Variants in AGL observed in about 807,000 individuals in gnomAD.
AGL encodes glycogen debranching enzyme.
A neutral mutation model predicts 199.3 loss-of-function variants in AGL; 128 were observed. The ratio of observed to expected loss-of-function variants is 0.64; its 90% CI spans 0.56 to 0.74. AGL has a LOEUF of 0.74. AGL is among the 30% of genes least tolerant of loss of function. The pLI is 0.00. For missense variants in AGL, 1,809 were observed against 1,820.8 expected (o/e 0.99, Z 0.12); for synonymous variants, 584 against 594.7 (o/e 0.98, Z 0.26).
chr1:99,875,548 T>G, intron 10 of AGL, 93 bp downstream of exon 10: 1 of 1,039,002 alleles, frequency 9.6e-7, no homozygotes, highest in Non-Finnish European at 1.5e-6. Context: ...CTTTAACATG[T>G]GAGTTCAGTA....
rs1287510327 is a variant in AGL, at chr1:99,916,704, T to C, written c.4454T>C (p.Leu1485Pro). The change falls in exon 33 of 34, where the codon CTT (leucine) becomes CCT (proline). Residue 1485 changes from leucine (L) to proline (P), a missense_variant. Leu to Pro is a moderately conservative substitution (Grantham distance 98). Transcript: ENST00000361915. ...ACTATAGTTTTGGTTAAAAATGTTC[T>C]TTCCCGACATTATGTTCATCTTGAG... is the stretch of plus-strand genomic sequence containing the variant. Reference protein sequence around the residue: ...AKTIVLVKNVLSRHYVHLERS... With the variant: ...AKTIVLVKNVPSRHYVHLERS... 2.5e-6 allele frequency: 4 copies of C among 1,613,258 alleles called. No homozygotes were observed. In the Admixed American group the frequency reaches 6.7e-5, roughly 27 times the overall value.
chr1:99,913,595 C>A lies in AGL; in HGVS notation c.4018C>A (p.His1340Asn), dbSNP rs886042905. ...KIQDNFEKLF[H>N]VSEDPSDLNE... ...ACAAGACAACTTTGAAAAGCTATTT[C>A]ATGTTTCCGAAGACCCTTCAGATTT... The change falls in exon 30 of 34, where the codon CAT becomes AAT. Residue 1340 changes from histidine (H) to asparagine (N), a missense_variant. His to Asn is a moderately conservative substitution (Grantham distance 68). Coordinates refer to ENST00000361915, the MANE Select transcript of AGL (RefSeq NM_000642.3). 6.2e-7 allele frequency: 1 copy of A among 1,613,996 alleles called. No homozygotes were observed. Among genetic ancestry groups the A allele is most frequent in the Non-Finnish European group, 8.5e-7 (1 of 1,179,948 alleles).
Position 99,892,433 on chromosome 1 carries a change from T to C in AGL, c.3085T>C (p.Phe1029Leu), listed in dbSNP as rs1018565681. Residue 1029 changes from phenylalanine (F) to leucine (L), a missense_variant and splice_region_variant, in exon 24 of 34, where the codon TTT becomes CTT. Physicochemically the swap from Phe to Leu is conservative, Grantham distance 22. Coordinates refer to ENST00000361915, the MANE Select transcript of AGL (RefSeq NM_000642.3). ...LDTAWKQMSS[F>L]VQNGSTFVKH... ...TAAATTCAATCACTTTTGTTACAGC[T>C]TTGTTCAGAATGGTTCAACCTTTGT... 6.2e-6 allele frequency: 10 copies of C among 1,613,376 alleles called. No individual in the cohort carries two copies. The highest frequency in any genetic ancestry group is 8.5e-6 in the Non-Finnish European group (10 of 1,179,520).
chr1:99,884,123 A>C lies in AGL; in HGVS notation c.2312A>C (p.Lys771Thr). The C allele has an allele frequency of 6.2e-7, 1 of 1,611,288 alleles. No individual in the cohort carries two copies. Among genetic ancestry groups the C allele is most frequent in the Non-Finnish European group, 8.5e-7 (1 of 1,177,932 alleles). ...KEVPQMCIPGKIEEVVLEART... is the reference protein window; with the variant it reads ...KEVPQMCIPGTIEEVVLEART... ...AAATGTTTTTATGTATTCCTAGGCA[A>C]AATTGAAGAAGTAGTTCTTGAAGCT... is the stretch of plus-strand genomic sequence containing the variant. Residue 771 changes from lysine (K) to threonine (T), a missense_variant, in exon 18 of 34, where the codon AAA becomes ACA. Transcript: ENST00000361915.
Position 99,870,869 on chromosome 1 carries a change from G to A in AGL, c.958G>A (p.Glu320Lys). 6.5e-7 allele frequency: 1 copy of A among 1,544,508 alleles called. No individual in the cohort carries two copies. Among genetic ancestry groups the A allele is most frequent in the Non-Finnish European group, 8.9e-7 (1 of 1,117,486 alleles). Residue 320 changes from glutamate (E) to lysine (K), a missense_variant and splice_region_variant, in exon 7 of 34, where the codon GAA becomes AAA. Physicochemically the swap from Glu to Lys is moderately conservative, Grantham distance 56. Coordinates refer to ENST00000361915, the MANE Select transcript of AGL (RefSeq NM_000642.3). ...GCAATTTAGAAGACTTCTTACACAA[G>A]GTAAAGGATACATACTAGAATGTTC... ...VEQFRRLLTQ[E>K]NRRVTKSDPN...
Position 99,892,472 on chromosome 1 carries a change from T to C in AGL, c.3124T>C (p.Leu1042=), listed in dbSNP as rs764821272. ...TTCAACCTTTGTGAAACACCTTTCA[T>C]TGGGTTCAGTTCAACTGTGTGGAGT... ...NGSTFVKHLS[L]GSVQLCGVGK... The change falls in exon 24 of 34, where the codon TTG becomes CTG. Residue 1042 remains leucine (L), a synonymous_variant. Coordinates refer to ENST00000361915, the MANE Select transcript of AGL (RefSeq NM_000642.3). The C allele has an allele frequency of 1.7e-5, 27 of 1,613,506 alleles. No homozygotes were observed. Among genetic ancestry groups the C allele is most frequent in the East Asian group, 6.7e-5 (3 of 44,816 alleles).
rs1655583262 is a variant in AGL at position 99,922,521 on chromosome 1, A to G, written c.*870A>G. ...TTCTATTAACTCAAAACCTACATTG[A>G]CAAGTTTAACATTGAGAAGAATCTT... On this transcript the variant is annotated 3_prime_UTR_variant, in exon 34 of 34. Transcript: ENST00000361915. 1 of 151,836 alleles carries G rather than the reference A, an allele frequency of 6.6e-6. No homozygotes were observed. Among genetic ancestry groups the G allele is most frequent in the Non-Finnish European group, 1.5e-5 (1 of 67,818 alleles). The allele number at this position is 151,836 out of a possible 1,614,324, so 9.4% of individuals were successfully genotyped here. A position where few individuals can be genotyped will look rare whatever the true frequency, so the allele number is the denominator to read the frequency against.
At chr1:99,896,205 A>G in intron 24 of AGL, 81 bp from the exon 25 acceptor site, 3 of 1,231,564 alleles carry the variant, frequency 2.4e-6, no homozygotes, top group Non-Finnish European at 3.6e-6. Flanking sequence ...GTTTAGAGTA[A>G]CTGTTCTATA....
rs1309726221 is a variant in AGL, at chr1:99,921,852, T to C, written c.*201T>C. 1.8e-5 allele frequency: 7 copies of C among 389,708 alleles called. No homozygotes were observed. The East Asian group carries it at 1.9e-4, about 11-fold the overall frequency. 24.1% of individuals were successfully genotyped at this position (389,708 alleles called of 1,614,324 possible). On this transcript the variant is annotated 3_prime_UTR_variant, in exon 34 of 34. Transcript: ENST00000361915. ...TTTCAATTTGAATCAGAAAGAAATA[T>C]CATTACCAATGAAATGTGTTTGAGT...
intron 27 of AGL, among the ~76,000 whole-genome samples, chr1:99,907,890 G>A (rs1443120376): frequency 6.6e-6 from 1 of 151,750 alleles, no homozygotes; most frequent in East Asian, 1.9e-4. Flanking sequence ...TTATTGAGGT[G>A]CAGGGTGCTT....
At chr1:99,888,393 C>G (rs1415082932) in intron 21 of AGL, among the ~76,000 whole-genome samples, 2 of 152,094 alleles carry the variant, frequency 1.3e-5, no homozygotes, top group African/African-American at 4.8e-5. Context: ...AAAGTAATTA[C>G]CCAGTAAATT....
rs1422201126 is a variant in AGL, at chr1:99,892,475, G to T, written c.3127G>T (p.Gly1043Cys). Residue 1043 changes from glycine (G) to cysteine (C), a missense_variant, in exon 24 of 34, where the codon GGT (glycine) becomes TGT (cysteine). By Grantham distance (159) the Gly-to-Cys change is radical (BLOSUM62 -3). Transcript: ENST00000361915. ...GSTFVKHLSL[G>C]SVQLCGVGKF... Reference sequence around the variant, plus strand: ...AACCTTTGTGAAACACCTTTCATTGGGTTCAGTTCAACTGTGTGGAGTAGG... The same window carrying T: ...AACCTTTGTGAAACACCTTTCATTGTGTTCAGTTCAACTGTGTGGAGTAGG... The T allele has an allele frequency of 3.7e-6, 6 of 1,613,374 alleles. No homozygotes were observed. The highest frequency in any genetic ancestry group is 4.2e-6 in the Non-Finnish European group (5 of 1,179,664).
chr1:99,854,827 A>G (rs1194423020), intron 2 of AGL, among the ~76,000 whole-genome samples: 2 of 152,110 alleles, frequency 1.3e-5, no homozygotes, highest in Non-Finnish European at 2.9e-5. Context: ...GAGAAGGGAC[A>G]TTGGAGACAA....
intron 2 of AGL, among the ~76,000 whole-genome samples, chr1:99,855,952 A>ATAAATTGAG (rs759206240): frequency 2.7e-4 from 41 of 152,256 alleles, no homozygotes; most frequent in Non-Finnish European, 7.3e-5. Context: ...CTGAGTTTCT[A>ATAAATTGAG]TAAATTGAGT....
chr1:99,870,322 A>T, intron 5 of AGL, 78 bp from the exon 6 acceptor site: 1 of 1,423,876 alleles, frequency 7.0e-7, no homozygotes, highest in East Asian at 2.3e-5. Context: ...TTTATATTTT[A>T]TTTCACCTCT....
At chr1:99,852,351 C>CTTTTTTTTT (rs11363065) in intron 2 of AGL, among the ~76,000 whole-genome samples, 1 of 97,518 alleles carries the variant, frequency 1.0e-5, no homozygotes, top group Non-Finnish European at 1.9e-5. Flanking sequence ...GCATTCATTT[C>CTTTTTTTTT]TTTTTTTTTT....
chr1:99,914,121 A>G (rs1185410073), intron 30 of AGL, among the ~76,000 whole-genome samples: 2 of 152,070 alleles, frequency 1.3e-5, no homozygotes, highest in Non-Finnish European at 2.9e-5. Flanking sequence ...CCACCACCAT[A>G]TTTGAAAAGA....
Position 99,923,735 on chromosome 1 carries a change from G to T in AGL, c.*2084G>T, listed in dbSNP as rs1480332205. On this transcript the variant is annotated 3_prime_UTR_variant, in exon 34 of 34. Coordinates refer to ENST00000361915, the MANE Select transcript of AGL (RefSeq NM_000642.3). ...GTAGAATGCTTCATACTTGAGTGAT[G>T]CTGGATAAGGTATTGTATTTCAACA... The T allele has an allele frequency of 6.6e-6, 1 of 152,140 alleles. No homozygotes were observed. The highest frequency in any genetic ancestry group is 1.5e-5 in the Non-Finnish European group (1 of 68,010). 9.4% of individuals were successfully genotyped at this position (152,140 alleles called of 1,614,324 possible).
intron 27 of AGL, among the ~76,000 whole-genome samples, chr1:99,909,694 AT>A (rs1270968502): frequency 6.6e-6 from 1 of 152,018 alleles, no homozygotes; most frequent in East Asian, 1.9e-4. Flanking sequence ...CCACTATGAC[AT>A]TCCTCAAGTC....
Sources: allele counts gnomAD v4.1 joint callset (sites outside exome capture counted in the v4.1 genomes callset), GRCh38; gene constraint gnomAD v4.1.1; transcripts MANE v1.5; gene names NCBI Gene and HGNC (gene_info 2026-07-23, HGNC 2026-07-21).